PLPP3: variants seen among roughly 807,000 people sequenced by gnomAD.
PLPP3 encodes the protein PAP2 beta.
In PLPP3, 6 loss-of-function variants were observed where a neutral mutation model predicts 29.6. The observed-to-expected ratio is 0.20, with a 90% CI of 0.11 to 0.40. PLPP3 has a LOEUF of 0.40. Among genes scored for constraint, PLPP3 ranks in the 10% least tolerant of loss-of-function variants. PLPP3 has a pLI of 1.00. For missense variants in PLPP3, 308 were observed against 407.7 expected (o/e 0.76, Z 2.11); for synonymous variants, 152 against 159.7 (o/e 0.95, Z 0.36).
At chr1:56,569,956 A>T (rs1646186847) in intron 1 of PLPP3, among the ~76,000 whole-genome samples, 1 of 151,602 alleles carries the variant, frequency 6.6e-6, no homozygotes, top group African/African-American at 2.4e-5. Context: ...AAGCTTCATC[A>T]CTCTTCACTG....
At chr1:56,530,579 C>T (rs899547889) in intron 2 of PLPP3, among the ~76,000 whole-genome samples, 4 of 152,234 alleles carry the variant, frequency 2.6e-5, no homozygotes, top group Non-Finnish European at 5.9e-5. Context: ...CTCCCTTATC[C>T]CATTGTCCAT....
At chr1:56,531,924 T>C (rs1277012337) in intron 2 of PLPP3, among the ~76,000 whole-genome samples, 1 of 152,062 alleles carries the variant, frequency 6.6e-6, no homozygotes, top group African/African-American at 2.4e-5. Context: ...CTCCACCCCA[T>C]CCCCAACACA....
chr1:56,507,051 T>C (rs1016090692), intron 5 of PLPP3, among the ~76,000 whole-genome samples: 1 of 152,200 alleles, frequency 6.6e-6, no homozygotes, highest in Non-Finnish European at 1.5e-5. Context: ...CTGGAAAGCA[T>C]TCAATTAGTA....
chr1:56,568,494 C>T (rs1181758856), intron 1 of PLPP3, among the ~76,000 whole-genome samples: 1 of 152,172 alleles, frequency 6.6e-6, no homozygotes, highest in Non-Finnish European at 1.5e-5. Context: ...AGGCTATGCA[C>T]ATAAAAAAGC....
intron 4 of PLPP3, among the ~76,000 whole-genome samples, chr1:56,521,846 T>C (rs535691343): frequency 1.3e-5 from 2 of 152,032 alleles, no homozygotes; most frequent in East Asian, 3.9e-4. Flanking sequence ...TCAATCAAAA[T>C]ATACCTCTCA....
chr1:56,523,946 G>C (rs1200195187), intron 3 of PLPP3, 66 bp from the exon 4 acceptor site: 49 of 1,544,576 alleles, frequency 3.2e-5, no homozygotes, highest in Non-Finnish European at 4.4e-5. Context: ...TTGTCTGTCT[G>C]TCTTCCCTCC....
intron 5 of PLPP3, among the ~76,000 whole-genome samples, chr1:56,497,027 T>A (rs1645635168): frequency 6.6e-6 from 1 of 152,232 alleles, no homozygotes; most frequent in Non-Finnish European, 1.5e-5. Context: ...AAGCAGGTCA[T>A]AATTAGTGAT....
chr1:56,573,644 G>A (rs1345004353), intron 1 of PLPP3, among the ~76,000 whole-genome samples: 1 of 152,160 alleles, frequency 6.6e-6, no homozygotes. Context: ...ATACCAGATA[G>A]GCCCCATGTT....
intron 1 of PLPP3, among the ~76,000 whole-genome samples, chr1:56,576,207 G>T (rs1202805498): frequency 6.6e-6 from 1 of 151,892 alleles, no homozygotes; most frequent in Non-Finnish European, 1.5e-5. Context: ...ATTTTTTCCA[G>T]ATACTAGATG....
intron 1 of PLPP3, among the ~76,000 whole-genome samples, chr1:56,546,780 C>T (rs1646009033): frequency 6.6e-6 from 1 of 152,210 alleles, no homozygotes; most frequent in Non-Finnish European, 1.5e-5. Flanking sequence ...TGAACATCTA[C>T]CTTACTGGCC....
At chr1:56,518,039 C>T (rs1169829971) in intron 4 of PLPP3, among the ~76,000 whole-genome samples, 1 of 152,168 alleles carries the variant, frequency 6.6e-6, no homozygotes, top group East Asian at 1.9e-4. Flanking sequence ...TGGCTTTCCA[C>T]ACAAAATTAT....
At chr1:56,548,703 G>A (rs1646020586) in intron 1 of PLPP3, among the ~76,000 whole-genome samples, 1 of 152,152 alleles carries the variant, frequency 6.6e-6, no homozygotes, top group South Asian at 2.1e-4. Context: ...TCAACAATGT[G>A]ACAAGAACTT....
intron 5 of PLPP3, among the ~76,000 whole-genome samples, chr1:56,501,484 C>A (rs972514945): frequency 1.3e-5 from 2 of 152,196 alleles, no homozygotes; most frequent in Non-Finnish European, 2.9e-5. Context: ...AATAAAACTC[C>A]ATAAACTTTA....
intron 5 of PLPP3, among the ~76,000 whole-genome samples, chr1:56,502,941 G>A (rs1278509707): frequency 2.0e-5 from 3 of 152,124 alleles, no homozygotes; most frequent in African/African-American, 7.2e-5. Flanking sequence ...TTTCCTTTTA[G>A]CTTTCTGGTC....
chr1:56,556,306 A>G (rs928674763), intron 1 of PLPP3, among the ~76,000 whole-genome samples: 1 of 152,210 alleles, frequency 6.6e-6, no homozygotes, highest in African/African-American at 2.4e-5. Context: ...ACAGAGATAT[A>G]TAGAGAGGTG....
intron 1 of PLPP3, among the ~76,000 whole-genome samples, chr1:56,571,845 C>T (rs1646200598): frequency 6.6e-6 from 1 of 152,084 alleles, no homozygotes; most frequent in Non-Finnish European, 1.5e-5. Flanking sequence ...TTGGTGACTG[C>T]TTTCTAGCTG....
At chr1:56,576,029 A>T (rs1411314397) in intron 1 of PLPP3, among the ~76,000 whole-genome samples, 2 of 152,226 alleles carry the variant, frequency 1.3e-5, no homozygotes, top group Admixed American at 6.5e-5. Flanking sequence ...GTCCAATGAA[A>T]GGTAAACTCC....
Position 56,578,860 on chromosome 1 carries a change from C to T in PLPP3, c.139+18G>A, listed in dbSNP as rs1454778059. The T allele has an allele frequency of 1.3e-6, 2 of 1,534,996 alleles. No homozygotes were observed. The highest frequency in any genetic ancestry group is 4.0e-5 in the Admixed American group (2 of 50,316). On this transcript the variant is annotated intron_variant, in intron 1 of 5. Coordinates refer to ENST00000371250, the MANE Select transcript of PLPP3 (RefSeq NM_003713.5). ...GACGAGGGGCCGAGGGGCCGAGGGA[C>T]AGCGGGGCTGGGCTCACCCATGAAG... is the stretch of plus-strand genomic sequence containing the variant.
At chr1:56,563,557 T>G (rs934443146) in intron 1 of PLPP3, among the ~76,000 whole-genome samples, 2 of 152,240 alleles carry the variant, frequency 1.3e-5, no homozygotes, top group African/African-American at 4.8e-5. Context: ...GAACTGGAAC[T>G]GAGATTCTCT....
Sources: allele counts gnomAD v4.1 joint callset (sites outside exome capture counted in the v4.1 genomes callset), GRCh38; gene constraint gnomAD v4.1.1; transcripts MANE v1.5; gene names NCBI Gene and HGNC (gene_info 2026-07-23, HGNC 2026-07-21).